RGS9: variants seen among roughly 807,000 people sequenced by gnomAD.
RGS9 encodes the protein regulator of G-protein signalling 9.
A neutral mutation model predicts 102.0 loss-of-function variants in RGS9; 78 were observed. That is an observed-to-expected ratio of 0.76 (90% CI 0.64 to 0.92). RGS9 has a LOEUF of 0.92. Ranked by LOEUF, RGS9 falls within the 40% of genes least tolerant of loss-of-function variation. RGS9 has a pLI of 0.00. For missense variants in RGS9, 833 were observed against 866.1 expected (o/e 0.96, Z 0.48); for synonymous variants, 353 against 318.6 (o/e 1.11, Z -1.15).
chr17:65,154,272 A>C (rs1910689106), intron 2 of RGS9, among the ~76,000 whole-genome samples: 1 of 152,148 alleles, frequency 6.6e-6, no homozygotes, highest in Admixed American at 6.6e-5. Context: ...GCACCACTGC[A>C]CTCCAGCCTG....
intron 1 of RGS9, among the ~76,000 whole-genome samples, chr17:65,140,367 A>T (rs561805590): frequency 4.3e-4 from 66 of 152,288 alleles, no homozygotes; most frequent in Non-Finnish European, 7.6e-4. Context: ...GGAACAGTTT[A>T]CGCACAGAGG....
chr17:65,143,168 G>T (rs946724867), intron 1 of RGS9, among the ~76,000 whole-genome samples: 13 of 152,076 alleles, frequency 8.5e-5, no homozygotes, highest in African/African-American at 3.1e-4. Flanking sequence ...GTCATAACTG[G>T]GGGTGCTCCT....
At chr17:65,213,938 T>C (rs1225532820) in intron 17 of RGS9, among the ~76,000 whole-genome samples, 1 of 152,174 alleles carries the variant, frequency 6.6e-6, no homozygotes, top group Non-Finnish European at 1.5e-5. Context: ...CATTTATGCT[T>C]CATAGATGTA....
In RGS9 at chr17:65,177,759, G is replaced by T. The variant is rs372181396; in HGVS notation, c.610G>T (p.Gly204Cys). Residue 204 changes from glycine to cysteine, a missense_variant, in exon 9 of 19, where the codon GGC becomes TGC. This residue lies in a region of RGS9 where 328 missense variants were observed against 340.6 expected (regional missense o/e 0.96). Transcript: ENST00000262406. ...TGGAATGGACAATGTGCTGGACTAC[G>T]GCCTGGACCGAGTGACCAATCCGAA... ...PPGMDNVLDY[G>C]LDRVTNPNEV... 27 of 1,614,198 alleles carry T rather than the reference G, an allele frequency of 1.7e-5. No homozygotes were observed. The highest frequency in any genetic ancestry group is 2.3e-5 in the Non-Finnish European group (27 of 1,180,020).
chr17:65,175,925 T>G (rs1294821495), intron 8 of RGS9, among the ~76,000 whole-genome samples: 2 of 152,234 alleles, frequency 1.3e-5, no homozygotes, highest in Admixed American at 1.3e-4. Context: ...ATCAAAATAT[T>G]GGGACAGAAA....
intron 15 of RGS9, 65 bp downstream of exon 15, chr17:65,204,366 A>T: frequency 6.4e-7 from 1 of 1,573,732 alleles, no homozygotes; most frequent in South Asian, 1.1e-5. Flanking sequence ...TACCCGGAAA[A>T]TTCTTTAGAT....
chr17:65,176,815 A>G (rs2144034166), intron 8 of RGS9, among the ~76,000 whole-genome samples: 1 of 148,986 alleles, frequency 6.7e-6, no homozygotes, highest in South Asian at 2.1e-4. Flanking sequence ...CCACAAATTT[A>G]CCCATTCATC....
intron 3 of RGS9, 185 bp downstream of exon 3, chr17:65,158,530 AT>A: frequency 1.5e-6 from 1 of 685,624 alleles, no homozygotes; most frequent in South Asian, 1.5e-5. Context: ...CGAAAGAGTT[AT>A]TTTGTACAAA....
At chr17:65,196,632 C>G (rs558625891) in intron 12 of RGS9, among the ~76,000 whole-genome samples, 1 of 149,798 alleles carries the variant, frequency 6.7e-6, no homozygotes, top group Non-Finnish European at 1.5e-5. Flanking sequence ...GAGGCAGGTA[C>G]AGGAGGAGCC....
chr17:65,202,791 G>T (rs1381495293), intron 14 of RGS9, among the ~76,000 whole-genome samples: 1 of 152,094 alleles, frequency 6.6e-6, no homozygotes, highest in Non-Finnish European at 1.5e-5. Flanking sequence ...GGCTCCCAAG[G>T]TTGCTGAAAG....
At chr17:65,161,033 C>CAGCCAGCT (rs1176471159) in intron 6 of RGS9, 124 bp downstream of exon 6, 13 of 796,010 alleles carry the variant, frequency 1.6e-5, no homozygotes, top group Non-Finnish European at 2.8e-5. Flanking sequence ...TCCATCCAGC[C>CAGCCAGCT]AGCCAGCTAG....
intron 7 of RGS9, among the ~76,000 whole-genome samples, chr17:65,165,629 C>T (rs1017107169): frequency 3.9e-5 from 6 of 152,106 alleles, no homozygotes; most frequent in Non-Finnish European, 8.8e-5. Context: ...CCTCCAGTAT[C>T]ACCCATATCA....
At chr17:65,163,631 C>T (rs1319562948) in intron 7 of RGS9, among the ~76,000 whole-genome samples, 1 of 152,148 alleles carries the variant, frequency 6.6e-6, no homozygotes, top group Non-Finnish European at 1.5e-5. Context: ...AGATGAGGGC[C>T]ACCTGGCTGG....
chr17:65,183,200 G>A (rs932463300), intron 9 of RGS9, among the ~76,000 whole-genome samples: 2 of 152,108 alleles, frequency 1.3e-5, no homozygotes, highest in Non-Finnish European at 2.9e-5. Flanking sequence ...TCGGACCACT[G>A]CAACCTCCGC....
chr17:65,141,264 C>A (rs1910146480), intron 1 of RGS9, among the ~76,000 whole-genome samples: 1 of 152,164 alleles, frequency 6.6e-6, no homozygotes, highest in Non-Finnish European at 1.5e-5. Context: ...AGGTGGGTGG[C>A]CTCCTGTGGT....
chr17:65,160,954 G>C (rs747753668), intron 6 of RGS9, 45 bp downstream of exon 6: 6 of 1,498,588 alleles, frequency 4.0e-6, no homozygotes, highest in Non-Finnish European at 5.6e-6. Flanking sequence ...TTGAGTGGAA[G>C]ATAGTTTTGA....
At chr17:65,206,544 G>T (rs142005902) in intron 15 of RGS9, among the ~76,000 whole-genome samples, 2,252 of 152,256 alleles carry the variant, frequency 0.015, 73 homozygotes, top group African/African-American at 0.051. Flanking sequence ...TGGGCGTGGT[G>T]GTGGATGCCT....
intron 17 of RGS9, among the ~76,000 whole-genome samples, chr17:65,212,977 T>A (rs1002164537): frequency 3.3e-5 from 5 of 152,298 alleles, no homozygotes; most frequent in South Asian, 2.1e-4. Context: ...AATGAAAGAA[T>A]GAATGAATGA....
intron 2 of RGS9, among the ~76,000 whole-genome samples, chr17:65,157,038 G>T (rs764145495): frequency 2.6e-5 from 4 of 152,174 alleles, no homozygotes; most frequent in Non-Finnish European, 5.9e-5. Context: ...AGGCAATTAC[G>T]CCCAGAGAGC....
Sources: allele counts gnomAD v4.1 joint callset (sites outside exome capture counted in the v4.1 genomes callset), GRCh38; gene constraint gnomAD v4.1.1; regional missense constraint gnomAD v4.1.1; transcripts MANE v1.5; gene names NCBI Gene and HGNC (gene_info 2026-07-23, HGNC 2026-07-21).